The following TMC6 variants were observed in gnomAD, a reference collection of about 807,000 sequenced individuals.
TMC6 encodes transmembrane channel like 6, also known as transmembrane channel-like protein 6.
In TMC6, 71 loss-of-function variants were observed where a neutral mutation model predicts 95.4. The observed-to-expected ratio is 0.74, with a 90% CI of 0.61 to 0.91. The LOEUF is 0.91. Among genes scored for constraint, TMC6 ranks in the 40% least tolerant of loss-of-function variants. TMC6 has a pLI of 0.00. For missense variants in TMC6, 1,074 were observed against 1,079.1 expected (o/e 1.00, Z 0.07); for synonymous variants, 514 against 483.1 (o/e 1.06, Z -0.84).
rs2073736561 is a variant in TMC6 at position 78,108,112 on chromosome 17, C to G, written c.*5036G>C. ...TTACAGACAGGCCTCTGAAGACAAA[C>G]CGAGCACCCCAGCGGCCCCTCAAAC... On this transcript the variant is annotated 3_prime_UTR_variant, in exon 20 of 20. Coordinates refer to ENST00000590602, the MANE Select transcript of TMC6 (RefSeq NM_001127198.5). The G allele has an allele frequency of 6.6e-6, 1 of 152,238 alleles. No homozygotes were observed. The highest frequency in any genetic ancestry group is 6.5e-5 in the Admixed American group (1 of 15,278). 9.4% of individuals were successfully genotyped at this position (152,238 alleles called of 1,614,324 possible). A position where few individuals can be genotyped will look rare whatever the true frequency, so the allele number is the denominator to read the frequency against.
At chr17:78,120,347 A>C in intron 13 of TMC6, 1 of 458,728 alleles carries the variant, frequency 2.2e-6, no homozygotes, top group East Asian at 6.0e-5. Flanking sequence ...TTTAGTAGAG[A>C]CGGGGTTTTG....
intron 18 of TMC6, among the ~76,000 whole-genome samples, chr17:78,116,379 TCTC>T (rs2074115742): frequency 6.8e-6 from 1 of 147,360 alleles, no homozygotes; most frequent in South Asian, 2.2e-4. Flanking sequence ...GCTCAAGCAA[TCTC>T]CTCCCTCAGC....
At position 78,110,026 on chromosome 17, in the gene TMC6, G is replaced by A. The variant is rs184875445; in HGVS notation, c.*3122C>T. ...GGTTGCGGTGAGCCAAGATCGTCCC[G>A]TTGCACTCCAGCCTGGGGAACAAGA... On this transcript the variant is annotated 3_prime_UTR_variant, in exon 20 of 20. Transcript: ENST00000590602. 5.6e-3 allele frequency: 873 copies of A among 155,030 alleles called. 6 individuals carry two copies. The highest frequency in any genetic ancestry group is 0.02 in the African/African-American group (804 of 41,228). 9.6% of individuals were successfully genotyped at this position (155,030 alleles called of 1,614,324 possible).
chr17:78,125,028 CCTGA>C (rs753552045), intron 6 of TMC6, 43 bp from the exon 7 acceptor site: 12 of 1,550,698 alleles, frequency 7.7e-6, no homozygotes, highest in Admixed American at 1.9e-5. Context: ...CAATGAGGGG[CCTGA>C]CTCTCTCCTT....
rs117304514 is a variant in TMC6 at position 78,124,873 on chromosome 17, G to A, written c.633+16C>T. 1.9e-3 allele frequency: 3,014 copies of A among 1,592,534 alleles called. 9 individuals carry two copies. Among genetic ancestry groups the A allele is most frequent in the Non-Finnish European group, 2.2e-3 (2,614 of 1,170,754 alleles). ...GCCCAGCCGCCCCAGCCCCAGGGCA[G>A]ACCAGGGGCCCATACCAGCACGCAG... On this transcript the variant is annotated intron_variant, in intron 7 of 19. Coordinates refer to ENST00000590602, the MANE Select transcript of TMC6 (RefSeq NM_001127198.5).
Position 78,121,761 on chromosome 17 carries a change from G to A in TMC6, c.1228-50C>T, listed in dbSNP as rs370296458. 1.2e-5 allele frequency: 19 copies of A among 1,527,682 alleles called. No individual in the cohort carries two copies. Among genetic ancestry groups the A allele is most frequent in the Middle Eastern group, 1.7e-4 (1 of 5,916 alleles). The allele number at this position is 1,527,682 out of a possible 1,614,324, so 94.6% of individuals were successfully genotyped here. A position where few individuals can be genotyped will look rare whatever the true frequency, so the allele number is the denominator to read the frequency against. On this transcript the variant is annotated intron_variant, in intron 10 of 19. Transcript: ENST00000590602. This position sits in a 1 kb window ranked among gnomAD's most constrained non-coding sequence, Gnocchi z 5.6. ...CACCCACACCAGAGCACGGGCACAC[G>A]CAGACGTGCAGACACAGCACAACAC...
rs1333173764 is a variant in TMC6 at position 78,120,755 on chromosome 17, C to T, written c.1613G>A (p.Gly538Asp). Reference protein sequence around the residue: ...WLGRRVGVLQGQCWEDFVGQE... With the variant: ...WLGRRVGVLQDQCWEDFVGQE... ...GCCCACAAAATCCTCCCAGCACTGG[C>T]CCTGCAGGACGCCCACCCTGCGGCC... The change falls in exon 13 of 20, where the codon GGC becomes GAC. Residue 538 changes from glycine to aspartate, a missense_variant. Coordinates refer to ENST00000590602, the MANE Select transcript of TMC6 (RefSeq NM_001127198.5). 1 of 1,613,576 alleles carries T rather than the reference C, an allele frequency of 6.2e-7. No individual in the cohort carries two copies. The highest frequency in any genetic ancestry group is 2.2e-5 in the East Asian group (1 of 44,886).
Position 78,122,459 on chromosome 17 carries a change from C to G in TMC6, c.1227+146G>C. Reference sequence around the variant, plus strand: ...CCTGCCCGTCACTGCAAGCAGAAGACCACGCCTGCCCAGCGCCCCGAGTTC... The same window carrying G: ...CCTGCCCGTCACTGCAAGCAGAAGAGCACGCCTGCCCAGCGCCCCGAGTTC... On this transcript the variant is annotated intron_variant, in intron 10 of 19. Coordinates refer to ENST00000590602, the MANE Select transcript of TMC6 (RefSeq NM_001127198.5). This position sits in a 1 kb window ranked among gnomAD's most constrained non-coding sequence, Gnocchi z 4.9. 8.1e-7 allele frequency: 1 copy of G among 1,242,048 alleles called. No individual in the cohort carries two copies. 76.9% of individuals were successfully genotyped at this position (1,242,048 alleles called of 1,614,324 possible).
In TMC6 at chr17:78,109,574, T is replaced by C. The variant is rs2073783523; in HGVS notation, c.*3574A>G. 1 of 456,102 alleles carries C rather than the reference T, an allele frequency of 2.2e-6. No individual in the cohort carries two copies. Among genetic ancestry groups the C allele is most frequent in the Non-Finnish European group, 4.4e-6 (1 of 226,858 alleles). The allele number at this position is 456,102 out of a possible 1,614,324, so 28.3% of individuals were successfully genotyped here. On this transcript the variant is annotated 3_prime_UTR_variant, in exon 20 of 20. Transcript: ENST00000590602. ...TGAGCCCAGGAGGTCGAGGCTGCAG[T>C]GAGCTGTGATCGTGCCACTGTGCTC...
At chr17:78,116,375 G>C (rs919290641) in intron 18 of TMC6, among the ~76,000 whole-genome samples, 1 of 150,422 alleles carries the variant, frequency 6.6e-6, no homozygotes, top group African/African-American at 2.5e-5. Context: ...CTGGGCTCAA[G>C]CAATCTCCTC....
upstream of TMC6, among the ~76,000 whole-genome samples, chr17:78,129,565 A>C (rs2145513578): frequency 6.6e-6 from 1 of 152,246 alleles, no homozygotes; most frequent in African/African-American, 2.4e-5. This position sits in a 1 kb window ranked among gnomAD's most constrained non-coding sequence, Gnocchi z 4.3. Context: ...GAAGCCATGA[A>C]GCAGGCAGGG....
chr17:78,109,159 G>C lies in TMC6; in HGVS notation c.*3989C>G. Reference sequence around the variant, plus strand: ...TATTTTGGCAACATCACGGCAGAACGGTAAAGGCAGAAAGCACAGTGCCCA... The same window carrying C: ...TATTTTGGCAACATCACGGCAGAACCGTAAAGGCAGAAAGCACAGTGCCCA... On this transcript the variant is annotated 3_prime_UTR_variant, in exon 20 of 20. Coordinates refer to ENST00000590602, the MANE Select transcript of TMC6 (RefSeq NM_001127198.5). 1 of 304,756 alleles carries C rather than the reference G, an allele frequency of 3.3e-6. No individual in the cohort carries two copies. Among genetic ancestry groups the C allele is most frequent in the South Asian group, 2.8e-5 (1 of 35,560 alleles). The allele number at this position is 304,756 out of a possible 1,614,324, so 18.9% of individuals were successfully genotyped here. A position where few individuals can be genotyped will look rare whatever the true frequency, so the allele number is the denominator to read the frequency against.
At chr17:78,125,119 C>CGCA in intron 6 of TMC6, 39 bp downstream of exon 6, 1 of 1,549,276 alleles carries the variant, frequency 6.5e-7, no homozygotes, top group Non-Finnish European at 8.7e-7. Context: ...GGTCTGGGGG[C>CGCA]GCAGCAGCGG....
At position 78,117,058 on chromosome 17, in the gene TMC6, C is replaced by T. The variant is rs566723937; in HGVS notation, c.2277+211G>A. Among the ~76,000 whole-genome samples the T allele has an allele frequency of 4.9e-4, 75 of 152,314 alleles. 1 individual carries two copies. The South Asian group carries it at 0.014, about 29-fold the overall frequency. ...GAGCCCTGGTCCCAGTGGGGCCCTG[C>T]GGGTCCTTGGGGATCAGGAGCCTGG... On this transcript the variant is annotated intron_variant, in intron 18 of 19. Transcript: ENST00000590602.
upstream of TMC6, chr17:78,132,233 T>G: frequency 7.2e-7 from 1 of 1,396,984 alleles, no homozygotes; most frequent in Non-Finnish European, 9.9e-7. Context: ...CAGCGGTACC[T>G]CCGGACTCGG....
chr17:78,115,118 G>A (rs1042671905), intron 18 of TMC6, among the ~76,000 whole-genome samples: 1 of 152,256 alleles, frequency 6.6e-6, no homozygotes, highest in African/African-American at 2.4e-5. Flanking sequence ...GGCAGGAGAT[G>A]GGACAGTGTG....
upstream of TMC6, chr17:78,131,466 G>T: frequency 7.2e-7 from 1 of 1,389,206 alleles, no homozygotes; most frequent in East Asian, 2.5e-5. Context: ...GGGGACGGAA[G>T]GGCCCGCCCC....
intron 1 of TMC6, 117 bp from the exon 2 acceptor site, chr17:78,127,023 AC>A (rs917660096): frequency 2.7e-4 from 180 of 658,478 alleles, no homozygotes; most frequent in South Asian, 1.8e-3. Flanking sequence ...AGTCCCGCCC[AC>A]CCCCCTATCA....
chr17:78,131,654 G>A (rs2074972114), upstream of TMC6: 1 of 1,564,040 alleles, frequency 6.4e-7, no homozygotes, highest in Non-Finnish European at 8.7e-7. Context: ...AGGAGCTGTG[G>A]GAGGCAGAGA....
Sources: gnomAD v4.1 joint callset for allele counts (sites outside exome capture counted in the v4.1 genomes callset) on GRCh38, gnomAD v4.1.1 for gene constraint, Gnocchi (gnomAD v3.1) non-coding constraint, MANE v1.5 for transcripts, NCBI Gene and HGNC (gene_info 2026-07-23, HGNC 2026-07-21) for gene names.